Variants in ETAA1 observed in about 807,000 individuals in gnomAD.
ETAA1 encodes ETAA1 activator of ATR kinase, also known as ewing's tumor-associated antigen 1.
ETAA1 carries 49 observed loss-of-function variants against 76.8 expected under a neutral mutation model. That is an observed-to-expected ratio of 0.64 (90% CI 0.51 to 0.81). The LOEUF is 0.81. Ranked by LOEUF, ETAA1 falls within the 30% of genes least tolerant of loss-of-function variation. The pLI is 0.00. For synonymous variants in ETAA1, 373 were observed against 372.2 expected, an observed-to-expected ratio of 1.00 and a Z score of -0.03; for missense variants, 1,099 against 1,074.0, an observed-to-expected ratio of 1.02 and a Z score of -0.32.
At position 67,405,242 on chromosome 2, in the gene ETAA1, G is replaced by T; in HGVS notation, c.2560G>T (p.Glu854Ter). The change falls in exon 5 of 6, where the codon GAG (glutamate) becomes TAG (stop). Residue 854 changes from glutamate to a stop codon, truncating the protein, a stop_gained. Transcript: ENST00000272342. LOFTEE classifies it high-confidence loss of function. ...MSDTKITQGV[E>*]KKKGVNPLLE... ...TGATACCAAAATTACACAGGGTGTG[G>T]AGAAAAAGAAAGGTGTCAACCCATT... 1 of 1,611,874 alleles carries T rather than the reference G, an allele frequency of 6.2e-7. No individual in the cohort carries two copies. Among genetic ancestry groups the T allele is most frequent in the South Asian group, 1.1e-5 (1 of 90,874 alleles).
In ETAA1 at chr2:67,399,644, T is replaced by A. The variant is rs745670512; in HGVS notation, c.429+18T>A. ...CTCCTCAGGTAAATATCACTAGTTTTACAGTTTGTTTTAAAACAGTGAAGA... is the reference window on the plus strand; with the variant it reads ...CTCCTCAGGTAAATATCACTAGTTTAACAGTTTGTTTTAAAACAGTGAAGA... On this transcript the variant is annotated intron_variant, in intron 3 of 5. Coordinates refer to ENST00000272342, the MANE Select transcript of ETAA1 (RefSeq NM_019002.4). 1.3e-6 allele frequency: 2 copies of A among 1,541,766 alleles called. No individual in the cohort carries two copies. Among genetic ancestry groups the A allele is most frequent in the Non-Finnish European group, 1.8e-6 (2 of 1,123,154 alleles).
Position 67,399,218 on chromosome 2 carries a change from T to G in ETAA1, c.273T>G (p.Ser91=), listed in dbSNP as rs1675986925. The G allele has an allele frequency of 2.5e-6, 4 of 1,613,482 alleles. No individual in the cohort carries two copies. The Middle Eastern group carries it at 6.6e-4, about 266-fold the overall frequency. The change falls in exon 2 of 6, where the codon TCT becomes TCG. Residue 91 remains serine, a synonymous_variant. Transcript: ENST00000272342. ...CGCTGAAAATGGACTCACTGTCATCTTCCTTCAGTTCTCCTAATGATCCAG... is the reference window on the plus strand; with the variant it reads ...CGCTGAAAATGGACTCACTGTCATCGTCCTTCAGTTCTCCTAATGATCCAG... ...KRALKMDSLS[S]SFSSPNDPDG... is the part of the protein sequence containing the mutation.
In ETAA1 at chr2:67,399,269, T is replaced by A. The variant is rs1428198110; in HGVS notation, c.324T>A (p.Asp108Glu). The A allele has an allele frequency of 6.2e-7, 1 of 1,612,970 alleles. No individual in the cohort carries two copies. The highest frequency in any genetic ancestry group is 1.3e-5 in the African/African-American group (1 of 75,032). The change falls in exon 2 of 6, where the codon GAT becomes GAA. Residue 108 changes from aspartate (D) to glutamate (E), a missense_variant. Coordinates refer to ENST00000272342, the MANE Select transcript of ETAA1 (RefSeq NM_019002.4). ...ATGGACAGAATGATATCTTTTGGGA[T>A]CAGAATTCTCCATTGACAAAGCAGT... The part of the protein sequence containing the change: ...DPDGQNDIFW[D>E]QNSPLTKQLG...
chr2:67,406,192 C>T (rs1270491761), intron 5 of ETAA1, among the ~76,000 whole-genome samples: 1 of 152,068 alleles, frequency 6.6e-6, no homozygotes, highest in Non-Finnish European at 1.5e-5. Context: ...CCTCTTTTTT[C>T]CTTACCTACT....
chr2:67,408,780 A>G (rs1354385450), intron 5 of ETAA1, among the ~76,000 whole-genome samples: 6 of 152,138 alleles, frequency 3.9e-5, no homozygotes, highest in African/African-American at 1.4e-4. Context: ...TTAGGAAGTT[A>G]TGTTTTCTGC....
intron 5 of ETAA1, among the ~76,000 whole-genome samples, chr2:67,406,216 A>C (rs1183109878): frequency 6.6e-6 from 1 of 152,106 alleles, no homozygotes; most frequent in Non-Finnish European, 1.5e-5. Context: ...CTTCAGCTAT[A>C]CCAGCTATCT....
At chr2:67,400,803 C>A (rs1233105296) in intron 3 of ETAA1, 1 of 152,138 alleles carries the variant, frequency 6.6e-6, no homozygotes, top group Non-Finnish European at 1.5e-5. Flanking sequence ...GTGGAAGAGA[C>A]AGAAAATGAA....
chr2:67,403,678 T>G lies in ETAA1; in HGVS notation c.996T>G (p.Ile332Met), dbSNP rs1419288959. ...EKIITNETLV[I>M]EKLSNKTPRS... is the part of the protein sequence containing the mutation. ...TCATTACTAATGAAACTCTGGTCAT[T>G]GAAAAACTGTCAAATAAAACCCCAC... The change falls in exon 5 of 6, where the codon ATT becomes ATG. Residue 332 changes from isoleucine to methionine, a missense_variant. Coordinates refer to ENST00000272342, the MANE Select transcript of ETAA1 (RefSeq NM_019002.4). The G allele has an allele frequency of 8.1e-6, 13 of 1,613,300 alleles. No individual in the cohort carries two copies. Among genetic ancestry groups the G allele is most frequent in the Non-Finnish European group, 1.1e-5 (13 of 1,179,478 alleles).
At chr2:67,403,107 G>T in intron 4 of ETAA1, 118 bp from the exon 5 acceptor site, 1 of 1,122,526 alleles carries the variant, frequency 8.9e-7, no homozygotes, top group African/African-American at 1.6e-5. Context: ...ATCAAATTTT[G>T]GAGTTAAAAT....
At chr2:67,398,927 T>C (rs1483371320) in intron 1 of ETAA1, among the ~76,000 whole-genome samples, 2 of 152,240 alleles carry the variant, frequency 1.3e-5, no homozygotes, top group Non-Finnish European at 2.9e-5. Context: ...TATTGTATTA[T>C]GCATTCATAA....
Position 67,397,594 on chromosome 2 carries a change from G to A in ETAA1, c.146G>A (p.Arg49Lys). 1 of 1,553,632 alleles carries A rather than the reference G, an allele frequency of 6.4e-7. No individual in the cohort carries two copies. The highest frequency in any genetic ancestry group is 8.7e-7 in the Non-Finnish European group (1 of 1,149,296). ...CGCGGTTCGTGGCCCTGCGGGGCTA[G>A]AGAGGGGCCTCCCGGGCCAGTGCGG... The part of the protein sequence containing the change: ...SARGSWPCGA[R>K]EGPPGPVRQR... The change falls in exon 1 of 6, where the codon AGA becomes AAA. Residue 49 changes from arginine (R) to lysine (K), a missense_variant. Coordinates refer to ENST00000272342, the MANE Select transcript of ETAA1 (RefSeq NM_019002.4).
chr2:67,404,297 A>T lies in ETAA1; in HGVS notation c.1615A>T (p.Asn539Tyr), dbSNP rs533196683. ...SNEQKNKCILNQSIKAPVNTD... is the reference protein window; with the variant it reads ...SNEQKNKCILYQSIKAPVNTD... ...TGAACAGAAAAATAAGTGCATTTTAAATCAGTCTATTAAAGCCCCTGTTAA... is the reference window on the plus strand; with the variant it reads ...TGAACAGAAAAATAAGTGCATTTTATATCAGTCTATTAAAGCCCCTGTTAA... The change falls in exon 5 of 6, where the codon AAT becomes TAT. Residue 539 changes from asparagine (N) to tyrosine (Y), a missense_variant. By Grantham distance (143) the Asn-to-Tyr change is moderately radical (BLOSUM62 -2). Around this residue, in one of 3 missense-constraint regions of ETAA1, gnomAD observed 761 missense variants for 731.9 expected, o/e 1.04. Transcript: ENST00000272342. The T allele has an allele frequency of 1.9e-6, 3 of 1,612,262 alleles. No homozygotes were observed. The highest frequency in any genetic ancestry group is 2.7e-5 in the African/African-American group (2 of 74,904).
At chr2:67,399,092 A>G in intron 1 of ETAA1, 77 bp from the exon 2 acceptor site, 1 of 1,322,156 alleles carries the variant, frequency 7.6e-7, no homozygotes, top group South Asian at 1.5e-5. Context: ...AGTCTCAGCT[A>G]TTTGACCTTG....
intron 5 of ETAA1, 41 bp from the exon 6 acceptor site, chr2:67,409,870 T>C: frequency 6.4e-7 from 1 of 1,557,996 alleles, no homozygotes. Flanking sequence ...AATGACTTTA[T>C]AGGCTATAAA....
chr2:67,398,884 A>G (rs1391272368), intron 1 of ETAA1, among the ~76,000 whole-genome samples: 1 of 152,202 alleles, frequency 6.6e-6, no homozygotes, highest in Non-Finnish European at 1.5e-5. Flanking sequence ...CCAAGACTCA[A>G]TGGTAATAAA....
chr2:67,397,644 G>C lies in ETAA1; in HGVS notation c.196G>C (p.Ala66Pro). 1 of 1,547,500 alleles carries C rather than the reference G, an allele frequency of 6.5e-7. No individual in the cohort carries two copies. The highest frequency in any genetic ancestry group is 8.7e-7 in the Non-Finnish European group (1 of 1,146,936). Residue 66 changes from alanine (A) to proline (P), a missense_variant, in exon 1 of 6, where the codon GCC becomes CCC. Ala to Pro is a conservative substitution (Grantham distance 27). This residue lies in a region of ETAA1 where 761 missense variants were observed against 731.9 expected (regional missense o/e 1.04). Coordinates refer to ENST00000272342, the MANE Select transcript of ETAA1 (RefSeq NM_019002.4). ...VRQREQPPTA[A>P]LCSKSNPEER... Reference sequence around the variant, plus strand: ...GCAGCGAGAGCAGCCTCCGACCGCCGCCCTGTGCAGTAAAAGTAACCCCGA... The same window carrying C: ...GCAGCGAGAGCAGCCTCCGACCGCCCCCCTGTGCAGTAAAAGTAACCCCGA...
At chr2:67,408,891 TA>T (rs11345925) in intron 5 of ETAA1, among the ~76,000 whole-genome samples, 111,725 of 151,890 alleles carry the variant, frequency 0.74, 41,502 homozygotes, top group African/African-American at 0.83. Flanking sequence ...GCTTTGAGAC[TA>T]AAAGTATTAG....
intron 5 of ETAA1, among the ~76,000 whole-genome samples, chr2:67,406,295 C>T (rs187201522): frequency 5.1e-4 from 78 of 152,200 alleles, no homozygotes; most frequent in African/African-American, 1.8e-3. Flanking sequence ...TTCCCTTTGA[C>T]TAAAACTACT....
Position 67,403,998 on chromosome 2 carries a change from GAGATTCAAAAGTATTACA to G in ETAA1, c.1321_1338del (p.Ser441_Asp446del). 1 of 1,608,512 alleles carries G rather than the reference GAGATTCAAAAGTATTACA, an allele frequency of 6.2e-7. No individual in the cohort carries two copies. The highest frequency in any genetic ancestry group is 8.5e-7 in the Non-Finnish European group (1 of 1,178,072). On this transcript the variant is annotated inframe_deletion, in exon 5 of 6. Coordinates refer to ENST00000272342, the MANE Select transcript of ETAA1 (RefSeq NM_019002.4). ...AATACAAGTCCAGATGCCAGGTTAG[GAGATTCAAAAGTATTACA>G]AGATCTTTCTTCAAAGACATATGAC... is the stretch of plus-strand genomic sequence containing the variant.
Sources: allele counts gnomAD v4.1 joint callset (sites outside exome capture counted in the v4.1 genomes callset), GRCh38; gene constraint gnomAD v4.1.1; regional missense constraint gnomAD v4.1.1; transcripts MANE v1.5; gene names NCBI Gene and HGNC (gene_info 2026-07-23, HGNC 2026-07-21).